Variants in DYSF observed in about 807,000 individuals in gnomAD.
The protein encoded by DYSF is dystrophy-associated fer-1-like 1.
A neutral mutation model predicts 274.9 loss-of-function variants in DYSF; 212 were observed. That is an observed-to-expected ratio of 0.77 (90% CI 0.69 to 0.86). The LOEUF (loss-of-function observed/expected upper bound fraction) is 0.86. Ranked by LOEUF, DYSF falls within the 40% of genes least tolerant of loss-of-function variation. The pLI is 0.00. For missense variants in DYSF, 2,666 were observed against 2,783.2 expected (o/e 0.96, Z 0.95); for synonymous variants, 1,091 against 1,078.7 (o/e 1.01, Z -0.22).
chr2:71,553,787 G>A lies in DYSF; in HGVS notation c.1985-20G>A. 3 of 1,200,310 alleles carry A rather than the reference G, an allele frequency of 2.5e-6. No individual in the cohort carries two copies. The highest frequency in any genetic ancestry group is 3.4e-6 in the Non-Finnish European group (3 of 883,332). 74.4% of individuals were successfully genotyped at this position (1,200,310 alleles called of 1,614,324 possible). On this transcript the variant is annotated intron_variant, in intron 20 of 55. Coordinates refer to ENST00000410020, the MANE Select transcript of DYSF (RefSeq NM_001130987.2). Reference sequence around the variant, plus strand: ...CCCTCCACTCCTGGCACAGCGCTCAGGCCCGTCTCTCCATTCCAGGGTGCC... The same window carrying A: ...CCCTCCACTCCTGGCACAGCGCTCAAGCCCGTCTCTCCATTCCAGGGTGCC...
intron 54 of DYSF, among the ~76,000 whole-genome samples, chr2:71,681,326 A>G (rs2095294020): frequency 6.6e-6 from 1 of 152,208 alleles, no homozygotes; most frequent in Admixed American, 6.5e-5. Context: ...TGCAGGTGCT[A>G]TTGGGTACCT....
At chr2:71,630,608 G>A (rs1470422853) in intron 41 of DYSF, among the ~76,000 whole-genome samples, 1 of 152,232 alleles carries the variant, frequency 6.6e-6, no homozygotes, top group Non-Finnish European at 1.5e-5. Flanking sequence ...GACCTTGGTG[G>A]CTGGTCCAGC....
In DYSF at chr2:71,480,906, AT is replaced by A; in HGVS notation, c.116del (p.Ile39ThrfsTer5). 1 of 1,614,216 alleles carries A rather than the reference AT, an allele frequency of 6.2e-7. No individual in the cohort carries two copies. The highest frequency in any genetic ancestry group is 8.5e-7 in the Non-Finnish European group (1 of 1,180,020). On this transcript the variant is annotated frameshift_variant, in exon 2 of 56. Transcript: ENST00000410020. LOFTEE classifies it high-confidence loss of function. ...FRGVKKRTKV[I>X]KNSVNPVWNE... The stretch of plus-strand genomic sequence containing the variant: ...AGGGGTGAAGAAGAGAACCAAAGTC[AT>A]CAAGAACAGCGTGAACCCTGTATGG...
intron 13 of DYSF, 63 bp from the exon 14 acceptor site, chr2:71,528,235 G>A: frequency 6.9e-7 from 1 of 1,441,514 alleles, no homozygotes; most frequent in Admixed American, 1.9e-5. Flanking sequence ...ACAGATGGGG[G>A]ACAGTCAGGG....
chr2:71,526,414 G>A, intron 13 of DYSF, 68 bp downstream of exon 13: 1 of 1,343,010 alleles, frequency 7.4e-7, no homozygotes, highest in Non-Finnish European at 1.0e-6. Context: ...GTGGGGGTGG[G>A]CGATGGCGGG....
At chr2:71,454,561 G>A (rs1573208900) in intron 1 of DYSF, among the ~76,000 whole-genome samples, 1 of 152,196 alleles carries the variant, frequency 6.6e-6, no homozygotes, top group African/African-American at 2.4e-5. Flanking sequence ...TGGCAGGCTG[G>A]CAGCCACTGG....
intron 34 of DYSF, 163 bp from the exon 35 acceptor site, chr2:71,601,336 G>A: frequency 1.1e-6 from 1 of 898,800 alleles, no homozygotes; most frequent in East Asian, 2.5e-5. Flanking sequence ...GAAGTGTCTG[G>A]AGGAATGGGC....
chr2:71,599,950 A>G (rs534101861), intron 33 of DYSF, among the ~76,000 whole-genome samples: 3 of 152,196 alleles, frequency 2.0e-5, no homozygotes, highest in East Asian at 3.9e-4. Flanking sequence ...GAGCAACTGG[A>G]GGAAGAGTCC....
chr2:71,608,809 G>A (rs1214627673), intron 36 of DYSF, among the ~76,000 whole-genome samples: 1 of 152,186 alleles, frequency 6.6e-6, no homozygotes, highest in Non-Finnish European at 1.5e-5. Context: ...GCCTAGAGAG[G>A]AAATATTCTG....
chr2:71,684,490 A>AGGG (rs2095333162), intron 55 of DYSF, among the ~76,000 whole-genome samples: 1 of 152,182 alleles, frequency 6.6e-6, no homozygotes, highest in Non-Finnish European at 1.5e-5. Context: ...ATGAGGGAGA[A>AGGG]GAGGATGAGG....
At chr2:71,595,726 C>T (rs2093387208) in intron 32 of DYSF, among the ~76,000 whole-genome samples, 1 of 152,194 alleles carries the variant, frequency 6.6e-6, no homozygotes, top group Middle Eastern at 3.2e-3. Context: ...TGGATCCTCC[C>T]TGGGGCAGCC....
chr2:71,593,712 T>A (rs2093335348), intron 32 of DYSF, among the ~76,000 whole-genome samples: 1 of 152,170 alleles, frequency 6.6e-6, no homozygotes, highest in Non-Finnish European at 1.5e-5. Context: ...CTCTGCCAGC[T>A]AAGAACTGCT....
At chr2:71,580,843 C>A in intron 30 of DYSF, among the ~76,000 whole-genome samples, 1 of 152,144 alleles carries the variant, frequency 6.6e-6, no homozygotes, top group East Asian at 1.9e-4. Context: ...AGATTTGAAC[C>A]CCAAGGTCTG....
At position 71,570,235 on chromosome 2, in the gene DYSF, GA is replaced by G. The variant is rs1397413150; in HGVS notation, c.2987del (p.Glu996GlyfsTer79). On this transcript the variant is annotated frameshift_variant, in exon 28 of 56. Coordinates refer to ENST00000410020, the MANE Select transcript of DYSF (RefSeq NM_001130987.2). LOFTEE classifies it high-confidence loss of function. The part of the protein sequence containing the change: ...MSDNYTDVNG[E>X]KVLPKDDIEC... ...TGTTCGGTTTTGTCCTTAGAACGGGGAGAAGGTGCTTCCCAAGGATGACATT... is the reference window on the plus strand; with the variant it reads ...TGTTCGGTTTTGTCCTTAGAACGGGGGAAGGTGCTTCCCAAGGATGACATT... 6.2e-7 allele frequency: 1 copy of G among 1,613,988 alleles called. No individual in the cohort carries two copies. Among genetic ancestry groups the G allele is most frequent in the Non-Finnish European group, 8.5e-7 (1 of 1,179,974 alleles).
chr2:71,536,985 C>A (rs1404353655), intron 16 of DYSF, among the ~76,000 whole-genome samples: 1 of 151,936 alleles, frequency 6.6e-6, no homozygotes, highest in South Asian at 2.1e-4. Context: ...ACAACAACAA[C>A]AAAAAAACCC....
At chr2:71,600,892 G>A (rs1023532517) in intron 34 of DYSF, 50 bp downstream of exon 34, 2 of 1,601,156 alleles carry the variant, frequency 1.2e-6, no homozygotes, top group Admixed American at 3.3e-5. Context: ...GGAGTGGGGT[G>A]GGGGCCAACC....
chr2:71,525,061 G>A (rs1205014047), intron 12 of DYSF, among the ~76,000 whole-genome samples: 1 of 152,234 alleles, frequency 6.6e-6, no homozygotes, highest in East Asian at 1.9e-4. Context: ...ATGCACAGCA[G>A]TGGTCTAGAA....
intron 41 of DYSF, among the ~76,000 whole-genome samples, chr2:71,640,740 CGTGTGTGTGTGTGTGT>C (rs70963107): frequency 6.7e-6 from 1 of 148,274 alleles, no homozygotes; most frequent in South Asian, 2.1e-4. Flanking sequence ...GAGATTAATC[CGTGTGTGTGTGTGTGT>C]GTGTGTGTGT....
At chr2:71,516,803 A>C (rs1198855373) in intron 9 of DYSF, among the ~76,000 whole-genome samples, 186 bp from the exon 10 acceptor site, 1 of 152,096 alleles carries the variant, frequency 6.6e-6, no homozygotes, top group Non-Finnish European at 1.5e-5. Flanking sequence ...TCACCTGTGA[A>C]ATGGGGATAA....
Sources: allele counts gnomAD v4.1 joint callset (sites outside exome capture counted in the v4.1 genomes callset), GRCh38; gene constraint gnomAD v4.1.1; transcripts MANE v1.5; gene names NCBI Gene and HGNC (gene_info 2026-07-23, HGNC 2026-07-21).